Variants in SHANK2 observed in about 807,000 individuals in gnomAD.
SHANK2 encodes SH3 and multiple ankyrin repeat domains 2.
A neutral mutation model predicts 133.7 loss-of-function variants in SHANK2; 43 were observed. That is an observed-to-expected ratio of 0.32 (90% CI 0.25 to 0.41). The LOEUF is 0.41. Ranked by LOEUF, SHANK2 falls within the 10% of genes least tolerant of loss-of-function variation. The pLI, the probability that SHANK2 is intolerant of heterozygous loss-of-function variation, is 1.00. For synonymous variants in SHANK2, 1,017 were observed against 952.8 expected (o/e 1.07, Z -1.24); for missense variants, 1,994 against 2,235.8 (o/e 0.89, Z 2.18).
intron 1 of SHANK2, among the ~76,000 whole-genome samples, chr11:71,248,045 G>C (rs1419916998): frequency 6.6e-6 from 1 of 152,186 alleles, no homozygotes; most frequent in Non-Finnish European, 1.5e-5. Context: ...CCCATCCCCG[G>C]CATATGTGCA....
intron 2 of SHANK2, among the ~76,000 whole-genome samples, chr11:71,166,051 C>T (rs1953141074): frequency 6.6e-6 from 1 of 152,214 alleles, no homozygotes; most frequent in Admixed American, 6.5e-5. Context: ...CCAACAAGCA[C>T]ACACTACTGC....
chr11:70,677,321 A>G (rs987399913), intron 15 of SHANK2, among the ~76,000 whole-genome samples: 12 of 152,134 alleles, frequency 7.9e-5, no homozygotes, highest in Non-Finnish European at 8.8e-5. Flanking sequence ...TTGTCATTCA[A>G]TGCATCCAGC....
intron 12 of SHANK2, among the ~76,000 whole-genome samples, chr11:70,814,176 T>C (rs1448931909): frequency 6.6e-6 from 1 of 151,958 alleles, no homozygotes; most frequent in African/African-American, 2.4e-5. Context: ...ATACAAAACT[T>C]AGCTGAGTAT....
intron 11 of SHANK2, among the ~76,000 whole-genome samples, chr11:70,824,285 C>A (rs191602003): frequency 3.0e-4 from 46 of 152,250 alleles, no homozygotes; most frequent in Middle Eastern, 3.4e-3. Context: ...GATACTTGGA[C>A]TTGACACACT....
At chr11:70,887,323 C>T (rs997302304) in intron 11 of SHANK2, among the ~76,000 whole-genome samples, 4 of 151,334 alleles carry the variant, frequency 2.6e-5, no homozygotes, top group African/African-American at 7.3e-5. Flanking sequence ...TCACTTTCTT[C>T]GAGTTGGCAA....
chr11:70,566,979 G>A (rs782524628), intron 17 of SHANK2, among the ~76,000 whole-genome samples: 3 of 152,170 alleles, frequency 2.0e-5, no homozygotes, highest in Non-Finnish European at 2.9e-5. Flanking sequence ...AACCATACCC[G>A]GCTTTGATGG....
chr11:71,100,198 C>G (rs1951695856), intron 6 of SHANK2, among the ~76,000 whole-genome samples: 1 of 152,178 alleles, frequency 6.6e-6, no homozygotes, highest in Non-Finnish European at 1.5e-5. Context: ...CTTTGGAAGA[C>G]AGTTTGGCGA....
At chr11:71,079,827 AAGGGAAAGGGAGGGGAAGGAAGGGG>A (rs1335597339) in intron 8 of SHANK2, among the ~76,000 whole-genome samples, 1 of 113,964 alleles carries the variant, frequency 8.8e-6, no homozygotes, top group Non-Finnish European at 1.8e-5. Context: ...GAGAAAGGGA[AAGGGAAAGGGAGGGGAAGGAAGGGG>A]AGGGGAAGGG....
intron 7 of SHANK2, among the ~76,000 whole-genome samples, chr11:71,093,062 G>GT (rs67536530): frequency 7.4e-5 from 10 of 134,368 alleles, no homozygotes; most frequent in African/African-American, 2.4e-4. Context: ...GGGGGGGGGG[G>GT]GCAGGTATAA....
At chr11:70,489,418 C>T in intron 23 of SHANK2, 70 bp from the exon 24 acceptor site, 1 of 1,513,414 alleles carries the variant, frequency 6.6e-7, no homozygotes, top group African/African-American at 1.4e-5. Context: ...CCTGAGTTTG[C>T]TGGTGCAGGG....
At chr11:70,537,074 C>T (rs538227714) in intron 17 of SHANK2, among the ~76,000 whole-genome samples, 1 of 152,356 alleles carries the variant, frequency 6.6e-6, no homozygotes, top group East Asian at 1.9e-4. Flanking sequence ...TCTGCCCATG[C>T]TCCTTTTGCT....
intron 11 of SHANK2, among the ~76,000 whole-genome samples, chr11:70,876,485 G>A (rs1446404527): frequency 5.3e-5 from 8 of 151,530 alleles, no homozygotes; most frequent in Admixed American, 2.0e-4. Context: ...GCATGAACCC[G>A]GGAGGCAGAG....
At chr11:71,072,563 A>C (rs1333524570) in intron 9 of SHANK2, among the ~76,000 whole-genome samples, 1 of 152,250 alleles carries the variant, frequency 6.6e-6, no homozygotes, top group Non-Finnish European at 1.5e-5. Flanking sequence ...AAATGAAAAC[A>C]GGGTCTTGAA....
intron 8 of SHANK2, among the ~76,000 whole-genome samples, chr11:71,080,715 G>T (rs1294426535): frequency 6.6e-6 from 1 of 152,156 alleles, no homozygotes; most frequent in Non-Finnish European, 1.5e-5. Context: ...ACTGGGTCAG[G>T]AAGTGGGCTG....
intron 14 of SHANK2, among the ~76,000 whole-genome samples, chr11:70,726,776 A>G (rs1946189184): frequency 6.6e-6 from 1 of 152,208 alleles, no homozygotes; most frequent in African/African-American, 2.4e-5. Flanking sequence ...TGGTCCTGTG[A>G]TACTGGCCAA....
intron 17 of SHANK2, among the ~76,000 whole-genome samples, chr11:70,613,901 A>C (rs2060701468): frequency 6.6e-6 from 1 of 151,780 alleles, no homozygotes; most frequent in South Asian, 2.1e-4. Context: ...AGTAGCTGGG[A>C]TTACAGGCAC....
intron 11 of SHANK2, among the ~76,000 whole-genome samples, chr11:70,823,592 T>C (rs146915723): frequency 0.057 from 5,167 of 90,040 alleles, 220 homozygotes; most frequent in Admixed American, 0.12. Context: ...AGAGGTGGCG[T>C]TGGCAGCGTT....
At chr11:70,947,389 G>A (rs531375747) in intron 10 of SHANK2, among the ~76,000 whole-genome samples, 4 of 133,050 alleles carry the variant, frequency 3.0e-5, no homozygotes, top group Admixed American at 8.8e-5. Flanking sequence ...AGTCTTGTCC[G>A]TCACCCAGAC....
At chr11:70,656,136 C>G (rs1448458513) in intron 17 of SHANK2, among the ~76,000 whole-genome samples, 1 of 152,196 alleles carries the variant, frequency 6.6e-6, no homozygotes, top group Non-Finnish European at 1.5e-5. Context: ...TGTGATCTCT[C>G]CAGCCCCATG....
Sources: allele counts gnomAD v4.1 joint callset (sites outside exome capture counted in the v4.1 genomes callset), GRCh38; gene constraint gnomAD v4.1.1; transcripts MANE v1.5; gene names NCBI Gene and HGNC (gene_info 2026-07-23, HGNC 2026-07-21).